The following PSMD1 variants were observed in gnomAD, a reference collection of about 807,000 sequenced individuals.
PSMD1 encodes 26S proteasome non-ATPase regulatory subunit 1.
In PSMD1, 18 loss-of-function variants were observed where a neutral mutation model predicts 119.0. That is an observed-to-expected ratio of 0.15 (90% CI 0.10 to 0.22). The LOEUF is 0.22. Among genes scored for constraint, PSMD1 ranks in the 10% least tolerant of loss-of-function variants. The pLI is 1.00. For missense variants in PSMD1, 702 were observed against 1,158.5 expected (o/e 0.61, Z 5.72); for synonymous variants, 374 against 396.6 (o/e 0.94, Z 0.68).
In PSMD1 at chr2:231,108,525, A is replaced by T. The variant is rs746531795; in HGVS notation, c.1883+21344A>T. ...GACAACTGCCAGTTCTGCTATACAT[A>T]ACTAACTTGCTCTTCAGTTTTGTCA... is the stretch of plus-strand genomic sequence containing the variant. On this transcript the variant is annotated intron_variant, in intron 16 of 24. Transcript: ENST00000308696. 9 of 1,613,216 alleles carry T rather than the reference A, an allele frequency of 5.6e-6. No homozygotes were observed. The East Asian group carries it at 2.0e-4, about 36-fold the overall frequency.
intron 19 of PSMD1, among the ~76,000 whole-genome samples, chr2:231,155,545 C>T (rs945633934): frequency 8.6e-5 from 13 of 151,668 alleles, no homozygotes; most frequent in African/African-American, 3.1e-4. Flanking sequence ...TTTGATTAAT[C>T]CTTTTTTCTT....
At chr2:231,099,408 A>T (rs1292197206) in intron 16 of PSMD1, among the ~76,000 whole-genome samples, 1 of 152,198 alleles carries the variant, frequency 6.6e-6, no homozygotes, top group Non-Finnish European at 1.5e-5. Flanking sequence ...CAGAAGATTG[A>T]GGGTTTGAAG....
chr2:231,072,454 A>G (rs1694064316), intron 7 of PSMD1, 39 bp downstream of exon 7: 2 of 1,502,306 alleles, frequency 1.3e-6, no homozygotes, highest in South Asian at 2.3e-5. Flanking sequence ...TAATTGAATA[A>G]TCTTTATTTC....
intron 17 of PSMD1, among the ~76,000 whole-genome samples, chr2:231,143,720 T>C (rs1382658350): frequency 1.3e-5 from 2 of 152,256 alleles, no homozygotes; most frequent in East Asian, 3.8e-4. Flanking sequence ...TGATACAGTG[T>C]ATACATATAT....
At chr2:231,146,182 G>C in intron 17 of PSMD1, 58 bp from the exon 18 acceptor site, 1 of 1,178,730 alleles carries the variant, frequency 8.5e-7, no homozygotes, top group South Asian at 1.2e-5. Flanking sequence ...ACTATAAATT[G>C]AAAGTTCAGC....
intron 22 of PSMD1, among the ~76,000 whole-genome samples, 167 bp from the exon 23 acceptor site, chr2:231,165,702 CAG>C (rs1696762745): frequency 6.6e-6 from 1 of 152,134 alleles, no homozygotes; most frequent in Non-Finnish European, 1.5e-5. Flanking sequence ...CATTCCTAAG[CAG>C]AGTTACTTTT....
chr2:231,130,578 C>T (rs1695830410), intron 16 of PSMD1, among the ~76,000 whole-genome samples: 1 of 152,154 alleles, frequency 6.6e-6, no homozygotes, highest in Non-Finnish European at 1.5e-5. Context: ...TCAAGTGATC[C>T]TCCCAAGTAG....
chr2:231,136,064 A>G (rs1695957283), intron 16 of PSMD1, among the ~76,000 whole-genome samples: 1 of 152,208 alleles, frequency 6.6e-6, no homozygotes, highest in South Asian at 2.1e-4. Flanking sequence ...GTTTGTGGTA[A>G]TTGTTTTCAT....
chr2:231,057,406 G>A (rs1693627179), intron 1 of PSMD1, among the ~76,000 whole-genome samples: 1 of 152,238 alleles, frequency 6.6e-6, no homozygotes, highest in Admixed American at 6.5e-5. Flanking sequence ...GCAGGGGGCC[G>A]GGGTGGGATG....
intron 16 of PSMD1, among the ~76,000 whole-genome samples, chr2:231,087,968 A>G (rs188364322): frequency 2.4e-4 from 37 of 152,128 alleles, no homozygotes; most frequent in Admixed American, 2.2e-3. Flanking sequence ...CTCTCAAAAA[A>G]AAAAAAAGAA....
chr2:231,106,909 T>C (rs890326203), intron 16 of PSMD1, among the ~76,000 whole-genome samples: 12 of 152,188 alleles, frequency 7.9e-5, no homozygotes, highest in African/African-American at 2.9e-4. Context: ...TAGTGATAAC[T>C]GAAAACTTAA....
At chr2:231,126,425 A>G (rs1484823559) in intron 16 of PSMD1, among the ~76,000 whole-genome samples, 1 of 152,002 alleles carries the variant, frequency 6.6e-6, no homozygotes, top group Non-Finnish European at 1.5e-5. Flanking sequence ...GGGTGACAGA[A>G]TGAGATCTTG....
chr2:231,122,849 A>G (rs1404849171), intron 16 of PSMD1, among the ~76,000 whole-genome samples: 1 of 152,172 alleles, frequency 6.6e-6, no homozygotes, highest in Non-Finnish European at 1.5e-5. Flanking sequence ...CATTTCCTTC[A>G]GCAACTAAAC....
At chr2:231,140,158 A>G (rs1293640306) in intron 17 of PSMD1, among the ~76,000 whole-genome samples, 1 of 152,154 alleles carries the variant, frequency 6.6e-6, no homozygotes, top group Non-Finnish European at 1.5e-5. Flanking sequence ...GATTCCAGGA[A>G]TCTAAAAATT....
Position 231,119,966 on chromosome 2 carries a change from T to C in PSMD1, c.1884-18770T>C, listed in dbSNP as rs549707388. On this transcript the variant is annotated intron_variant, in intron 16 of 24. Transcript: ENST00000308696. ...CCCGTGTTACTTTTTTTTTTTTTTTTCCCTGAGACAGAGCCTCACCCCGTC... is the reference window on the plus strand; with the variant it reads ...CCCGTGTTACTTTTTTTTTTTTTTTCCCCTGAGACAGAGCCTCACCCCGTC... 1.8e-3 allele frequency among the ~76,000 whole-genome samples: 268 copies of C among 149,184 alleles called. 1 individual carries two copies. Among genetic ancestry groups the C allele is most frequent in the African/African-American group, 6.3e-3 (251 of 39,824 alleles).
At chr2:231,061,360 C>A in intron 2 of PSMD1, 50 bp downstream of exon 2, 1 of 1,413,352 alleles carries the variant, frequency 7.1e-7, no homozygotes, top group South Asian at 1.3e-5. Context: ...ACTGTGAAGC[C>A]TTTTGAATTT....
chr2:231,131,761 CAAAAAA>C (rs540366686), intron 16 of PSMD1, among the ~76,000 whole-genome samples: 3 of 11,842 alleles, frequency 2.5e-4, no homozygotes, highest in Admixed American at 8.5e-4. Flanking sequence ...GACTCCGTCT[CAAAAAA>C]AAAAAAAAAA....
At chr2:231,105,992 A>T (rs1574732092) in intron 16 of PSMD1, among the ~76,000 whole-genome samples, 1 of 136,300 alleles carries the variant, frequency 7.3e-6, no homozygotes, top group African/African-American at 2.7e-5. Context: ...TCTCTCCATT[A>T]ATTGGCAGTA....
At chr2:231,120,401 A>G (rs1178613090) in intron 16 of PSMD1, among the ~76,000 whole-genome samples, 1 of 152,202 alleles carries the variant, frequency 6.6e-6, no homozygotes, top group Non-Finnish European at 1.5e-5. Context: ...GCCTTGTGTT[A>G]TAAGCTGTTG....
Sources: gnomAD v4.1 joint callset for allele counts (sites outside exome capture counted in the v4.1 genomes callset) on GRCh38, gnomAD v4.1.1 for gene constraint, MANE v1.5 for transcripts, NCBI Gene and HGNC (gene_info 2026-07-23, HGNC 2026-07-21) for gene names.